SLC35F4: variants seen among roughly 807,000 people sequenced by gnomAD.
SLC35F4 encodes the protein solute carrier family 35 member F4, also known as chromosome 14 open reading frame 36.
Under a neutral mutation model 44.2 loss-of-function variants are expected in SLC35F4, and 24 were observed. The observed-to-expected ratio is 0.54, with a 90% confidence interval of 0.39 to 0.76. The LOEUF (loss-of-function observed/expected upper bound fraction) is 0.76. SLC35F4 is among the 30% of genes least tolerant of loss of function. SLC35F4 has a pLI of 0.00. For synonymous variants in SLC35F4, 238 were observed against 223.6 expected (o/e 1.06, Z -0.57); for missense variants, 562 against 586.1 (o/e 0.96, Z 0.42).
intron 1 of SLC35F4, among the ~76,000 whole-genome samples, chr14:57,938,998 T>A (rs1889867707): frequency 6.6e-6 from 1 of 151,872 alleles, no homozygotes; most frequent in Non-Finnish European, 1.5e-5. Flanking sequence ...AAGGGGAAAG[T>A]CAATTTCTTT....
intron 1 of SLC35F4, among the ~76,000 whole-genome samples, chr14:57,896,201 T>C (rs57546193): frequency 0.038 from 5,741 of 152,208 alleles, 310 homozygotes; most frequent in African/African-American, 0.11. Context: ...AGCTAATCAG[T>C]AATTTAGGCA....
At chr14:57,637,959 T>A (rs543203689) in intron 1 of SLC35F4, among the ~76,000 whole-genome samples, 1 of 152,114 alleles carries the variant, frequency 6.6e-6, no homozygotes, top group South Asian at 2.1e-4. Context: ...AAAATAAAGA[T>A]CATAAGACTG....
intron 1 of SLC35F4, among the ~76,000 whole-genome samples, chr14:57,785,621 G>A (rs1389319018): frequency 3.3e-5 from 5 of 152,154 alleles, no homozygotes; most frequent in Non-Finnish European, 5.9e-5. Context: ...GTGGGGAAGG[G>A]AGACCCTCCT....
intron 4 of SLC35F4, chr14:57,579,575 C>G (rs911540294): frequency 6.6e-6 from 1 of 152,162 alleles, no homozygotes; most frequent in Non-Finnish European, 1.5e-5. Context: ...AACAAAAGAG[C>G]CTCCAAATCT....
At chr14:57,850,630 A>C (rs1886474274) in intron 1 of SLC35F4, among the ~76,000 whole-genome samples, 1 of 152,150 alleles carries the variant, frequency 6.6e-6, no homozygotes, top group South Asian at 2.1e-4. Flanking sequence ...TTTTTCATTT[A>C]AAGCTTCACA....
At chr14:57,623,429 C>T (rs1745712) in intron 1 of SLC35F4, among the ~76,000 whole-genome samples, 12 of 152,122 alleles carry the variant, frequency 7.9e-5, no homozygotes, top group African/African-American at 2.7e-4. Context: ...AGGATATCCA[C>T]GACTTGAACT....
At chr14:57,948,840 G>A (rs895707572) in intron 1 of SLC35F4, among the ~76,000 whole-genome samples, 3 of 152,092 alleles carry the variant, frequency 2.0e-5, no homozygotes, top group Admixed American at 6.5e-5. Context: ...TATTTGTATA[G>A]TTTTAAAAGT....
chr14:57,649,830 C>A (rs77656476), intron 1 of SLC35F4, among the ~76,000 whole-genome samples: 5,215 of 152,210 alleles, frequency 0.034, 107 homozygotes, highest in South Asian at 0.076. Flanking sequence ...CTCATGACTC[C>A]ATACTGAATC....
chr14:57,659,829 T>A (rs978706277), intron 1 of SLC35F4, among the ~76,000 whole-genome samples: 28 of 152,164 alleles, frequency 1.8e-4, no homozygotes, highest in African/African-American at 6.8e-4. Context: ...AACAGTAAAA[T>A]GTTTTGGCAA....
intron 1 of SLC35F4, among the ~76,000 whole-genome samples, chr14:57,915,019 C>T (rs1889290454): frequency 6.6e-6 from 1 of 152,136 alleles, no homozygotes; most frequent in Admixed American, 6.5e-5. Context: ...GAAACCATGC[C>T]CCCACAGCTC....
chr14:57,564,757 T>C (rs2068121194), intron 7 of SLC35F4, among the ~76,000 whole-genome samples: 1 of 152,224 alleles, frequency 6.6e-6, no homozygotes, highest in Admixed American at 6.5e-5. Context: ...GTGAAATTCA[T>C]GTAATATAAA....
At chr14:57,782,739 G>C (rs2077654922) in intron 1 of SLC35F4, among the ~76,000 whole-genome samples, 1 of 152,142 alleles carries the variant, frequency 6.6e-6, no homozygotes, top group African/African-American at 2.4e-5. Context: ...GTAAAAAACT[G>C]ATCTCTCCCA....
intron 1 of SLC35F4, among the ~76,000 whole-genome samples, chr14:57,905,995 C>T (rs577103213): frequency 1.3e-5 from 2 of 152,210 alleles, no homozygotes; most frequent in South Asian, 2.1e-4. Flanking sequence ...CAGGGCATTC[C>T]GCACAGCATG....
intron 1 of SLC35F4, among the ~76,000 whole-genome samples, chr14:57,900,082 ACATTTTACAGAGCACTGATTGGTG>A (rs200660523): frequency 5.1e-5 from 6 of 118,088 alleles, no homozygotes; most frequent in East Asian, 5.3e-4. Context: ...ACTGATTGGT[ACATTTTACAGAGCACTGATTGGTG>A]CATTTTACAG....
At chr14:57,817,773 A>G (rs1179678614) in intron 1 of SLC35F4, among the ~76,000 whole-genome samples, 2 of 152,146 alleles carry the variant, frequency 1.3e-5, no homozygotes, top group Non-Finnish European at 2.9e-5. Flanking sequence ...AAAATTGATC[A>G]TGACAATGGC....
intron 1 of SLC35F4, among the ~76,000 whole-genome samples, chr14:57,717,875 T>G (rs1166348940): frequency 6.6e-6 from 1 of 152,210 alleles, no homozygotes; most frequent in African/African-American, 2.4e-5. Flanking sequence ...TTATACTGTT[T>G]TGGTTATTTT....
At chr14:57,733,501 G>A (rs1434624572) in intron 1 of SLC35F4, among the ~76,000 whole-genome samples, 1 of 147,274 alleles carries the variant, frequency 6.8e-6, no homozygotes, top group Non-Finnish European at 1.5e-5. Flanking sequence ...TTTTTTTTCA[G>A]CTTAGAAGAC....
In SLC35F4 at chr14:57,838,257, C is replaced by T. The variant is rs142305231; in HGVS notation, c.103+27466G>A. The stretch of plus-strand genomic sequence containing the variant: ...GAGAACAGAGGTGAGGCTTCAAGAG[C>T]AAATGGGAGATCCCCAAGAAGGCAA... On this transcript the variant is annotated intron_variant, in intron 1 of 7. Coordinates refer to ENST00000556826, the MANE Select transcript of SLC35F4 (RefSeq NM_001306087.2). Among the ~76,000 whole-genome samples, 190 of 152,262 alleles carry T rather than the reference C, an allele frequency of 1.2e-3. 4 individuals are homozygous for T. Among genetic ancestry groups the T allele is most frequent in the East Asian group, 9.8e-3 (51 of 5,184 alleles).
intron 1 of SLC35F4, among the ~76,000 whole-genome samples, chr14:57,944,999 G>C (rs1023225533): frequency 4.6e-5 from 7 of 151,942 alleles, no homozygotes; most frequent in South Asian, 2.1e-4. Context: ...TCTTGTTATT[G>C]ACAAAGATAA....
Sources: allele counts gnomAD v4.1 joint callset (sites outside exome capture counted in the v4.1 genomes callset), GRCh38; gene constraint gnomAD v4.1.1; transcripts MANE v1.5; gene names NCBI Gene and HGNC (gene_info 2026-07-23, HGNC 2026-07-21).